The following ACSM6 variants were observed in gnomAD, a reference collection of about 807,000 sequenced individuals.
ACSM6 encodes the protein acyl-CoA synthetase medium chain family member 6, also known as acyl-coenzyme A synthetase ACSM6, mitochondrial.
Under a neutral mutation model 51.1 loss-of-function variants are expected in ACSM6, and 35 were observed. The ratio of observed to expected loss-of-function variants is 0.69; its 90% CI spans 0.52 to 0.91. The LOEUF (loss-of-function observed/expected upper bound fraction) is 0.91, where lower values mean the gene tolerates loss of function less well. Ranked by LOEUF, ACSM6 falls within the 40% of genes least tolerant of loss-of-function variation. The pLI is 0.00. For missense variants in ACSM6, 509 were observed against 584.1 expected, an observed-to-expected ratio of 0.87 and a Z score of 1.32; for synonymous variants, 172 against 207.3, an observed-to-expected ratio of 0.83 and a Z score of 1.46.
chr10:95,225,997 A>C (rs1198517279), intron 10 of ACSM6: 2 of 152,206 alleles, frequency 1.3e-5, no homozygotes, highest in African/African-American at 4.8e-5. Context: ...ATCCAGGATA[A>C]ACATCTTTCT....
intron 4 of ACSM6, among the ~76,000 whole-genome samples, chr10:95,208,142 A>G (rs1416104436): frequency 6.7e-6 from 1 of 149,156 alleles, no homozygotes; most frequent in Non-Finnish European, 1.5e-5. Context: ...CTCTGTCTCA[A>G]AAAAAAAAAA....
At chr10:95,206,413 T>C (rs1219532572) in intron 3 of ACSM6, among the ~76,000 whole-genome samples, 1 of 152,212 alleles carries the variant, frequency 6.6e-6, no homozygotes. Context: ...AGCTGATAGA[T>C]ATTTAGGTTG....
chr10:95,220,816 A>G (rs1328279856), intron 9 of ACSM6, among the ~76,000 whole-genome samples: 3 of 152,164 alleles, frequency 2.0e-5, no homozygotes, highest in African/African-American at 4.8e-5. Context: ...TTTTCCAGTA[A>G]TCATGAATAG....
At chr10:95,201,200 G>GC (rs920325904) in intron 2 of ACSM6, among the ~76,000 whole-genome samples, 21 of 152,196 alleles carry the variant, frequency 1.4e-4, no homozygotes, top group Non-Finnish European at 2.6e-4. Flanking sequence ...CTCAGGAGGT[G>GC]CATGTGCAGG....
chr10:95,209,608 A>C (rs1442774932), intron 4 of ACSM6, among the ~76,000 whole-genome samples: 1 of 152,228 alleles, frequency 6.6e-6, no homozygotes, highest in Non-Finnish European at 1.5e-5. Flanking sequence ...TGAGGAACTC[A>C]CCTCAGGCAC....
exon 1 of ACSM6, chr10:95,194,273 A>G: frequency 2.0e-6 from 1 of 494,176 alleles, no homozygotes; most frequent in Non-Finnish European, 3.6e-6. Context: ...CAAACATCTG[A>G]AGCCCCCCAT....
chr10:95,204,968 G>A (rs575343752), intron 3 of ACSM6, among the ~76,000 whole-genome samples: 34 of 152,320 alleles, frequency 2.2e-4, no homozygotes, highest in African/African-American at 7.9e-4. Context: ...TGTGAGATCT[G>A]TCTGTGTGAT....
intron 9 of ACSM6, among the ~76,000 whole-genome samples, chr10:95,223,336 T>C (rs2035011664): frequency 6.6e-6 from 1 of 152,106 alleles, no homozygotes; most frequent in Admixed American, 6.5e-5. Flanking sequence ...AATGGGGTCA[T>C]AGTATGAGCC....
chr10:95,225,631 C>T, intron 10 of ACSM6: 1 of 369,656 alleles, frequency 2.7e-6, no homozygotes, highest in African/African-American at 2.1e-5. Flanking sequence ...TAAATGCAGA[C>T]ATTATGACAC....
chr10:95,207,347 C>A (rs200986461), exon 4 of ACSM6: 25 of 1,614,048 alleles, frequency 1.5e-5, no homozygotes, highest in Admixed American at 8.3e-5. Flanking sequence ...ACTGCCCCAC[C>A]TTGAAAACCA....
chr10:95,210,832 T>A, intron 5 of ACSM6, 39 bp downstream of exon 5: 1 of 1,590,620 alleles, frequency 6.3e-7, no homozygotes, highest in Non-Finnish European at 8.5e-7. Context: ...CTGAAAGTTG[T>A]TCTCTTGCAG....
exon 4 of ACSM6, chr10:95,207,395 G>A (rs1366761153): frequency 6.2e-7 from 1 of 1,614,092 alleles, no homozygotes; most frequent in South Asian, 1.1e-5. Flanking sequence ...ATGGGTGGTT[G>A]GATTTCAAGA....
chr10:95,226,055 G>A (rs1236576308), intron 10 of ACSM6: 1 of 152,138 alleles, frequency 6.6e-6, no homozygotes, highest in African/African-American at 2.4e-5. Context: ...CTTATGGGGG[G>A]AAACATTAGG....
intron 2 of ACSM6, among the ~76,000 whole-genome samples, chr10:95,195,311 G>C (rs550241531): frequency 9.5e-4 from 144 of 152,284 alleles, no homozygotes; most frequent in African/African-American, 3.3e-3. Flanking sequence ...GCATCCTGAA[G>C]AATGAGAAGA....
intron 3 of ACSM6, 98 bp from the exon 4 acceptor site, chr10:95,207,110 G>A: frequency 1.8e-6 from 2 of 1,136,412 alleles, no homozygotes; most frequent in Non-Finnish European, 1.3e-6. Context: ...TAAGAGAGAG[G>A]GTAACCCAGA....
At chr10:95,194,724 TG>T in intron 2 of ACSM6, 47 bp downstream of exon 2, 1 of 1,472,508 alleles carries the variant, frequency 6.8e-7, no homozygotes, top group Non-Finnish European at 9.2e-7. Context: ...CAAGGCCAGT[TG>T]GTAAAGCGTC....
In ACSM6 at chr10:95,195,893, G is replaced by A. The variant is rs372806137; in HGVS notation, c.192+1216G>A. Among the ~76,000 whole-genome samples, 3 of 152,296 alleles carry A rather than the reference G, an allele frequency of 2.0e-5. No homozygotes were observed. In the East Asian group the frequency reaches 5.8e-4, roughly 29 times the overall value. The stretch of plus-strand genomic sequence containing the variant: ...ATTTGGGCCAAAGAACAAAAATTCT[G>A]TAGAGCAAGGATTGTGAAAGCTCCT... On this transcript the variant is annotated intron_variant, in intron 2 of 10. Coordinates refer to ENST00000341686, the Ensembl canonical transcript of ACSM6.
At chr10:95,217,478 C>T (rs1337291156) in intron 8 of ACSM6, among the ~76,000 whole-genome samples, 1 of 151,606 alleles carries the variant, frequency 6.6e-6, no homozygotes, top group African/African-American at 2.4e-5. Flanking sequence ...GAATTGAATA[C>T]CCAATGTTTT....
exon 5 of ACSM6, chr10:95,210,677 G>A: frequency 6.2e-7 from 1 of 1,613,894 alleles, no homozygotes; most frequent in Non-Finnish European, 8.5e-7. Context: ...AGACCTACAT[G>A]AGGACCAAAA....
Sources: gnomAD v4.1 joint callset for allele counts (sites outside exome capture counted in the v4.1 genomes callset) on GRCh38, gnomAD v4.1.1 for gene constraint, MANE v1.5 for transcripts, NCBI Gene and HGNC (gene_info 2026-07-23, HGNC 2026-07-21) for gene names.